The following STK36 variants were observed in gnomAD, a reference collection of about 807,000 sequenced individuals.
STK36 encodes the protein serine/threonine kinase 36.
In STK36, 116 loss-of-function variants were observed where a neutral mutation model predicts 142.2. The ratio of observed to expected loss-of-function variants is 0.82; its 90% CI spans 0.70 to 0.95. STK36 has a LOEUF of 0.95. Ranked by LOEUF, STK36 falls within the 40% of genes least tolerant of loss-of-function variation. STK36 has a pLI of 0.00. For missense variants in STK36, 1,422 were observed against 1,617.2 expected (o/e 0.88, Z 2.07); for synonymous variants, 619 against 641.7 (o/e 0.96, Z 0.53).
At chr2:218,695,035 C>G (rs1575140691) in intron 21 of STK36, among the ~76,000 whole-genome samples, 1 of 152,088 alleles carries the variant, frequency 6.6e-6, no homozygotes, top group Non-Finnish European at 1.5e-5. Flanking sequence ...ACTTGTTCTT[C>G]TTAACAGATG....
intron 17 of STK36, 38 bp downstream of exon 17, chr2:218,693,382 TA>T (rs781622822): frequency 6.4e-7 from 1 of 1,570,654 alleles, no homozygotes; most frequent in Non-Finnish European, 8.8e-7. Context: ...GCTTTATTTT[TA>T]ACTCCCAGTG....
chr2:218,698,498 A>C, intron 25 of STK36, 104 bp from the exon 26 acceptor site: 1 of 1,421,648 alleles, frequency 7.0e-7, no homozygotes. Context: ...TCTCTGTGGC[A>C]TTTCTCACCA....
In STK36 at chr2:218,697,227, A is replaced by C; in HGVS notation, c.2761+14A>C. 1.8e-5 allele frequency: 29 copies of C among 1,607,066 alleles called. No individual in the cohort carries two copies. Among genetic ancestry groups the C allele is most frequent in the Non-Finnish European group, 2.5e-5 (29 of 1,177,192 alleles). On this transcript the variant is annotated intron_variant, in intron 23 of 26. Coordinates refer to ENST00000295709, the MANE Select transcript of STK36 (RefSeq NM_015690.5). ...TTTCTCCCCAGGGTATCTTTCTATC[A>C]GTATCCTTTTTGGGAGTGCATTGAT...
chr2:218,677,953 G>T (rs537219969), intron 6 of STK36, among the ~76,000 whole-genome samples: 5 of 152,216 alleles, frequency 3.3e-5, no homozygotes, highest in African/African-American at 1.2e-4. Context: ...ACCACACCTG[G>T]CTAATTTTTT....
chr2:218,701,913 G>C lies in STK36; in HGVS notation c.3852G>C (p.Leu1284=), dbSNP rs769693621. 25 of 1,614,004 alleles carry C rather than the reference G, an allele frequency of 1.5e-5. No individual in the cohort carries two copies. The highest frequency in any genetic ancestry group is 2.1e-5 in the Non-Finnish European group (25 of 1,180,030). Residue 1284 remains leucine, a synonymous_variant, in exon 27 of 27, where the codon CTG becomes CTC. Transcript: ENST00000295709. Reference sequence around the variant, plus strand: ...GTGAGAAACTATCCTTGCTCTCTCTGGGGAATCAGTCACTGCCACACAGCA... The same window carrying C: ...GTGAGAAACTATCCTTGCTCTCTCTCGGGAATCAGTCACTGCCACACAGCA... The part of the protein sequence containing the change: ...GASEKLSLLS[L]GNQSLPHSSP...
At chr2:218,674,006 T>A in intron 4 of STK36, 50 bp downstream of exon 4, 5 of 1,560,904 alleles carry the variant, frequency 3.2e-6, no homozygotes, top group Non-Finnish European at 4.4e-6. Context: ...CTCTCCAGGT[T>A]AGAGAACTGG....
chr2:218,677,096 G>A (rs976051406), intron 6 of STK36, among the ~76,000 whole-genome samples: 2 of 152,018 alleles, frequency 1.3e-5, no homozygotes, highest in Non-Finnish European at 2.9e-5. Flanking sequence ...ACCATGCCTG[G>A]CTAATTTTGT....
chr2:218,699,876 G>A (rs569693149), intron 26 of STK36, among the ~76,000 whole-genome samples: 57 of 151,916 alleles, frequency 3.8e-4, no homozygotes, highest in South Asian at 1.0e-3. Flanking sequence ...TCCAGAGCCC[G>A]TACTCTTAAC....
chr2:218,677,973 AGTAGAGACGGG>A (rs1236251598), intron 6 of STK36, among the ~76,000 whole-genome samples: 1 of 152,158 alleles, frequency 6.6e-6, no homozygotes, highest in East Asian at 1.9e-4. Context: ...TGTAATTTTT[AGTAGAGACGGG>A]GTTTCACCGT....
chr2:218,680,071 C>A lies in STK36; in HGVS notation c.1127C>A (p.Ser376Tyr). ...AAATCAGGGACTGGAGAGGTGCCCT[C>A]TGCACCTCGGTGAGAAGGGTATAGT... ...WAKSGTGEVP[S>Y]APRENRTTPD... is the part of the protein sequence containing the mutation. The change falls in exon 9 of 27, where the codon TCT becomes TAT. Residue 376 changes from serine (S) to tyrosine (Y), a missense_variant. Coordinates refer to ENST00000295709, the MANE Select transcript of STK36 (RefSeq NM_015690.5). 6.2e-7 allele frequency: 1 copy of A among 1,614,014 alleles called. No individual in the cohort carries two copies. Among genetic ancestry groups the A allele is most frequent in the Non-Finnish European group, 8.5e-7 (1 of 1,179,918 alleles).
chr2:218,675,413 A>T lies in STK36; in HGVS notation c.374A>T (p.Asp125Val). Residue 125 changes from aspartate (D) to valine (V), a missense_variant, in exon 5 of 27, where the codon GAT (aspartate) becomes GTT (valine). Physicochemically the swap from Asp to Val is radical, Grantham distance 152 (BLOSUM62 -3). This residue lies in a region of STK36 where 460 missense variants were observed against 449.6 expected (regional missense o/e 1.02). Transcript: ENST00000295709. ...CATTCCCACCGCATCCTACACCGAG[A>T]TATGAAGCCTCAGAACATCCTCCTC... ...YLHSHRILHRDMKPQNILLAK... is the reference protein window; with the variant it reads ...YLHSHRILHRVMKPQNILLAK... 1 of 1,613,130 alleles carries T rather than the reference A, an allele frequency of 6.2e-7. No individual in the cohort carries two copies. The highest frequency in any genetic ancestry group is 8.5e-7 in the Non-Finnish European group (1 of 1,179,790).
rs763053748 is a variant in STK36, at chr2:218,680,631, C to T, written c.1165C>T (p.Arg389Ter). ...AAACCGGACCACCCCAGATTGTGAA[C>T]GAGCATTCCCAGAGGAGAGGCCAGA... is the stretch of plus-strand genomic sequence containing the variant. ...RENRTTPDCERAFPEERPEVL... is the reference protein window; with the variant it reads ...RENRTTPDCE Residue 389 changes from arginine to a stop codon, truncating the protein, a stop_gained, in exon 10 of 27, where the codon CGA becomes TGA. Coordinates refer to ENST00000295709, the MANE Select transcript of STK36 (RefSeq NM_015690.5). LOFTEE classifies it high-confidence loss of function. 8 of 1,613,572 alleles carry T rather than the reference C, an allele frequency of 5.0e-6. No individual in the cohort carries two copies. Among genetic ancestry groups the T allele is most frequent in the East Asian group, 4.5e-5 (2 of 44,874 alleles).
chr2:218,682,088 C>T (rs1347614248), intron 10 of STK36, among the ~76,000 whole-genome samples: 6 of 152,122 alleles, frequency 3.9e-5, no homozygotes, highest in Admixed American at 6.5e-5. Flanking sequence ...CCATCATGCC[C>T]AGCTAATTTT....
At position 218,698,611 on chromosome 2, in the gene STK36, T is replaced by C; in HGVS notation, c.3067T>C (p.Tyr1023His). Reference sequence around the variant, plus strand: ...CCTCCTGTTCTCTCAGGTCTGCTGCTACCATCTTCCGTTGATGCAAGTGGA... The same window carrying C: ...CCTCCTGTTCTCTCAGGTCTGCTGCCACCATCTTCCGTTGATGCAAGTGGA... ...VAAHLLQVCCYHLPLMQVELP... is the reference protein window; with the variant it reads ...VAAHLLQVCCHHLPLMQVELP... The change falls in exon 26 of 27, where the codon TAC becomes CAC. Residue 1023 changes from tyrosine (Y) to histidine (H), a missense_variant. This residue lies in a region of STK36 where 962 missense variants were observed against 1,167.5 expected (regional missense o/e 0.82). Transcript: ENST00000295709. 6.2e-7 allele frequency: 1 copy of C among 1,613,830 alleles called. No homozygotes were observed. The highest frequency in any genetic ancestry group is 8.5e-7 in the Non-Finnish European group (1 of 1,179,822).
intron 10 of STK36, among the ~76,000 whole-genome samples, chr2:218,681,054 T>C (rs1044928480): frequency 1.3e-5 from 2 of 152,184 alleles, no homozygotes; most frequent in African/African-American, 4.8e-5. Context: ...ATTATATGTA[T>C]TGTTTTACAT....
chr2:218,679,264 G>T lies in STK36; in HGVS notation c.778+3G>T. ...CTTTATTGCTGGTCATGTCACCAGTGAGTCATCAGGGTTCCCAGGGCTCTT... is the reference window on the plus strand; with the variant it reads ...CTTTATTGCTGGTCATGTCACCAGTTAGTCATCAGGGTTCCCAGGGCTCTT... On this transcript the variant is annotated splice_donor_region_variant and intron_variant, in intron 7 of 26. Transcript: ENST00000295709. The T allele has an allele frequency of 6.2e-7, 1 of 1,613,994 alleles. No individual in the cohort carries two copies. The highest frequency in any genetic ancestry group is 1.1e-5 in the South Asian group (1 of 91,068).
Position 218,679,346 on chromosome 2 carries a change from T to C in STK36, c.778+85T>C, listed in dbSNP as rs550204855. 3 of 1,402,588 alleles carry C rather than the reference T, an allele frequency of 2.1e-6. No individual in the cohort carries two copies. The African/African-American group carries it at 4.3e-5, about 20-fold the overall frequency. 86.9% of individuals were successfully genotyped at this position (1,402,588 alleles called of 1,614,324 possible). A position where few individuals can be genotyped will look rare whatever the true frequency, so the allele number is the denominator to read the frequency against. On this transcript the variant is annotated intron_variant, in intron 7 of 26. Coordinates refer to ENST00000295709, the MANE Select transcript of STK36 (RefSeq NM_015690.5). The stretch of plus-strand genomic sequence containing the variant: ...CCTTTCACTTCCCCGACCATCTAGA[T>C]ATAACATGTCGTCTTTCCTCCAGCA...
At position 218,678,669 on chromosome 2, in the gene STK36, A is replaced by G. The variant is rs565090719; in HGVS notation, c.685-499A>G. ...TATCTCTCCACCTCTGAAGACTTGC[A>G]GAAAGATTTCTGTTTTTGAGTACTC... is the stretch of plus-strand genomic sequence containing the variant. On this transcript the variant is annotated intron_variant, in intron 6 of 26. Coordinates refer to ENST00000295709, the MANE Select transcript of STK36 (RefSeq NM_015690.5). Among the ~76,000 whole-genome samples the G allele has an allele frequency of 3.9e-5, 6 of 152,312 alleles. No individual in the cohort carries two copies. The South Asian group carries it at 1.2e-3, about 32-fold the overall frequency.
intron 25 of STK36, 48 bp downstream of exon 25, chr2:218,698,049 T>C: frequency 1.2e-6 from 2 of 1,611,042 alleles, no homozygotes; most frequent in South Asian, 1.1e-5. Flanking sequence ...TAGCCAACCT[T>C]GTATCCTCTA....
Sources: allele counts gnomAD v4.1 joint callset (sites outside exome capture counted in the v4.1 genomes callset), GRCh38; gene constraint gnomAD v4.1.1; regional missense constraint gnomAD v4.1.1; transcripts MANE v1.5; gene names NCBI Gene and HGNC (gene_info 2026-07-23, HGNC 2026-07-21).